The following PIGN variants were observed in gnomAD, a reference collection of about 807,000 sequenced individuals.
PIGN encodes GPI ethanolamine phosphate transferase 1.
In PIGN, 117 loss-of-function variants were observed where a neutral mutation model predicts 125.4. The ratio of observed to expected loss-of-function variants is 0.93; its 90% CI spans 0.80 to 1.09. The LOEUF (loss-of-function observed/expected upper bound fraction) is 1.09. PIGN is among the 50% of genes least tolerant of loss of function. PIGN has a pLI of 0.00. For missense variants in PIGN, 1,075 were observed against 1,094.9 expected, an observed-to-expected ratio of 0.98 and a Z score of 0.26; for synonymous variants, 392 against 377.8, an observed-to-expected ratio of 1.04 and a Z score of -0.44.
At chr18:62,094,813 G>A (rs1386376909) in intron 23 of PIGN, among the ~76,000 whole-genome samples, 1 of 152,142 alleles carries the variant, frequency 6.6e-6, no homozygotes, top group African/African-American at 2.4e-5. Context: ...TGGTTAGGCA[G>A]GGGGAAGGGA....
intron 14 of PIGN, among the ~76,000 whole-genome samples, chr18:62,134,390 C>CAAACA (rs758134890): frequency 1.4e-4 from 21 of 152,198 alleles, no homozygotes; most frequent in Admixed American, 3.3e-4. Flanking sequence ...GAGTCAGTCT[C>CAAACA]AAACAAAACA....
At chr18:62,057,163 C>A (rs531120225) in intron 30 of PIGN, among the ~76,000 whole-genome samples, 7 of 152,232 alleles carry the variant, frequency 4.6e-5, no homozygotes, top group Admixed American at 3.3e-4. Flanking sequence ...GTGAGCATAT[C>A]CTTTACCACA....
At chr18:62,107,460 G>A (rs181066640) in intron 17 of PIGN, 28 of 204,036 alleles carry the variant, frequency 1.4e-4, no homozygotes, top group Non-Finnish European at 2.3e-4. Context: ...AGGCGTGATG[G>A]CACATGCCTG....
rs375001687 is a variant in PIGN at position 62,157,784 on chromosome 18, G to A, written c.246C>T (p.Ser82=). 6.2e-7 allele frequency: 1 copy of A among 1,611,724 alleles called. No individual in the cohort carries two copies. The highest frequency in any genetic ancestry group is 8.5e-7 in the Non-Finnish European group (1 of 1,178,586). Residue 82 remains serine (S), a synonymous_variant, in exon 5 of 31, where the codon AGC becomes AGT. Coordinates refer to ENST00000640252, the MANE Select transcript of PIGN (RefSeq NM_176787.5). ...GCACACGTGTATGAGATATGCCCCA[G>A]CTGCCTTCATGCATTATGATATTCC... The part of the protein sequence containing the change: ...FIRNIIMHEG[S]WGISHTRVPT...
chr18:62,072,430 T>C (rs895161625), intron 30 of PIGN: 11 of 331,852 alleles, frequency 3.3e-5, no homozygotes, highest in African/African-American at 2.3e-4. Flanking sequence ...TTTCTATGTG[T>C]AGATACATAA....
At chr18:62,119,702 G>A (rs150832091) in intron 14 of PIGN, among the ~76,000 whole-genome samples, 72 of 151,980 alleles carry the variant, frequency 4.7e-4, no homozygotes, top group Non-Finnish European at 9.7e-4. Context: ...AACTTAGCCG[G>A]GTGTGGTGAT....
At chr18:62,085,924 A>G (rs1157806705) in intron 25 of PIGN, among the ~76,000 whole-genome samples, 1 of 152,206 alleles carries the variant, frequency 6.6e-6, no homozygotes, top group Non-Finnish European at 1.5e-5. Flanking sequence ...ATTACCATAG[A>G]CACCCACAGA....
At chr18:62,056,803 A>C (rs1227344783) in intron 30 of PIGN, 1 of 152,278 alleles carries the variant, frequency 6.6e-6, no homozygotes, top group African/African-American at 2.4e-5. Flanking sequence ...CTGTATTTGC[A>C]GCTGCTCTGC....
chr18:62,035,362 A>T (rs1388121722), intron 23 of PIGN, among the ~76,000 whole-genome samples: 1 of 152,228 alleles, frequency 6.6e-6, no homozygotes. Context: ...AGTTCAACTA[A>T]GACCTTGAAC....
intron 1 of PIGN, among the ~76,000 whole-genome samples, 199 bp downstream of exon 1, chr18:62,186,645 C>T (rs1235964646): frequency 6.6e-6 from 1 of 152,188 alleles, no homozygotes; most frequent in Non-Finnish European, 1.5e-5. Flanking sequence ...AGTGTGCAAG[C>T]ATGTGGCAGA....
intron 28 of PIGN, among the ~76,000 whole-genome samples, chr18:62,081,226 T>C (rs1026182329): frequency 3.9e-5 from 6 of 152,122 alleles, no homozygotes; most frequent in African/African-American, 9.7e-5. Flanking sequence ...TGATTAGCAA[T>C]ATAAATAATA....
At chr18:62,169,990 C>T (rs1287422030) in intron 1 of PIGN, among the ~76,000 whole-genome samples, 3 of 152,178 alleles carry the variant, frequency 2.0e-5, no homozygotes, top group African/African-American at 7.2e-5. Context: ...TTTACATTCC[C>T]ACCAGCAATA....
intron 23 of PIGN, among the ~76,000 whole-genome samples, chr18:62,018,873 C>T (rs1303267114): frequency 2.0e-5 from 3 of 152,180 alleles, no homozygotes; most frequent in Non-Finnish European, 4.4e-5. Context: ...CATACACACA[C>T]ACACACAGCC....
chr18:62,030,502 G>A (rs2030181637), intron 23 of PIGN, among the ~76,000 whole-genome samples: 1 of 152,116 alleles, frequency 6.6e-6, no homozygotes, highest in Admixed American at 6.5e-5. Context: ...AATATCAAAG[G>A]GAAAAGGAAA....
intron 7 of PIGN, among the ~76,000 whole-genome samples, chr18:62,152,522 A>G (rs908761882): frequency 6.6e-6 from 1 of 152,048 alleles, no homozygotes; most frequent in African/African-American, 2.4e-5. Flanking sequence ...TTAGAATTTT[A>G]TTTTTGGTTT....
chr18:62,107,364 GA>G, intron 17 of PIGN: 12 of 337,366 alleles, frequency 3.6e-5, no homozygotes, highest in Non-Finnish European at 6.7e-5. Context: ...GGAGGCTGAA[GA>G]GGGCGGATCA....
At chr18:62,135,952 A>G (rs1243178622) in intron 14 of PIGN, 2 of 152,114 alleles carry the variant, frequency 1.3e-5, no homozygotes, top group Non-Finnish European at 2.9e-5. Flanking sequence ...TTCCTTATTC[A>G]CTTCTTCATT....
intron 23 of PIGN, among the ~76,000 whole-genome samples, chr18:62,028,607 A>G (rs1349403343): frequency 2.6e-5 from 4 of 152,226 alleles, no homozygotes; most frequent in Non-Finnish European, 5.9e-5. Context: ...ATTGAAAAGC[A>G]TTGTGCTGTA....
chr18:62,183,083 A>G (rs1335216188), intron 1 of PIGN, among the ~76,000 whole-genome samples: 1 of 152,212 alleles, frequency 6.6e-6, no homozygotes, highest in Non-Finnish European at 1.5e-5. Context: ...AAACTGCTAA[A>G]AGGGTAGATG....
Sources: gnomAD v4.1 joint callset for allele counts (sites outside exome capture counted in the v4.1 genomes callset) on GRCh38, gnomAD v4.1.1 for gene constraint, MANE v1.5 for transcripts, NCBI Gene and HGNC (gene_info 2026-07-23, HGNC 2026-07-21) for gene names.